Variants in KATNIP observed in about 807,000 individuals in gnomAD.
KATNIP encodes the protein katanin-interacting protein.
KATNIP carries 126 observed loss-of-function variants against 174.0 expected under a neutral mutation model. The observed-to-expected ratio is 0.72, with a 90% CI of 0.63 to 0.84. The LOEUF (loss-of-function observed/expected upper bound fraction) is 0.84, where lower values mean the gene tolerates loss of function less well. KATNIP is among the 40% of genes least tolerant of loss of function. The pLI, the probability that KATNIP is intolerant of heterozygous loss-of-function variation, is 0.00. For missense variants in KATNIP, 1,958 were observed against 2,109.7 expected, an observed-to-expected ratio of 0.93 and a Z score of 1.41; for synonymous variants, 810 against 835.7, an observed-to-expected ratio of 0.97 and a Z score of 0.53.
rs1056645125 is a variant in KATNIP, at chr16:27,777,219, T to C, written c.4551+190T>C. The stretch of plus-strand genomic sequence containing the variant: ...CAGAACCTGCTGGCAGTGATTTCAG[T>C]GTCACCCTGAGCAAATAGAAAGTGG... On this transcript the variant is annotated intron_variant, in intron 25 of 27. Coordinates refer to ENST00000261588, the MANE Select transcript of KATNIP (RefSeq NM_015202.5). This position sits in a 1 kb window ranked among gnomAD's most constrained non-coding sequence, Gnocchi z 4.4. 9.9e-5 allele frequency among the ~76,000 whole-genome samples: 15 copies of C among 152,214 alleles called. No homozygotes were observed. The highest frequency in any genetic ancestry group is 3.4e-4 in the African/African-American group (14 of 41,460).
intron 8 of KATNIP, among the ~76,000 whole-genome samples, chr16:27,689,653 C>T (rs1293685313): frequency 6.6e-6 from 1 of 152,172 alleles, no homozygotes; most frequent in Non-Finnish European, 1.5e-5. Flanking sequence ...GAGAAGAACA[C>T]AGGCCTTAAC....
chr16:27,718,113 T>C (rs1354048617), intron 13 of KATNIP: 1 of 152,230 alleles, frequency 6.6e-6, no homozygotes, highest in Non-Finnish European at 1.5e-5. Context: ...CAGAATGAAT[T>C]AATGCATGAA....
intron 14 of KATNIP, among the ~76,000 whole-genome samples, chr16:27,736,626 G>A (rs1443112014): frequency 6.6e-6 from 1 of 152,172 alleles, no homozygotes; most frequent in Non-Finnish European, 1.5e-5. Flanking sequence ...AGGAATCGAG[G>A]CAAGCGCCAG....
intron 14 of KATNIP, among the ~76,000 whole-genome samples, chr16:27,733,608 CAG>C (rs1387478072): frequency 2.0e-5 from 3 of 148,670 alleles, no homozygotes; most frequent in Non-Finnish European, 4.5e-5. Flanking sequence ...CACACATATG[CAG>C]AGAGAGAGAC....
chr16:27,638,319 G>T (rs1035095726), intron 5 of KATNIP, among the ~76,000 whole-genome samples: 2 of 152,176 alleles, frequency 1.3e-5, no homozygotes, highest in Admixed American at 6.5e-5. Flanking sequence ...GACTGGGGGT[G>T]CCAGCTATAC....
At chr16:27,646,507 G>A (rs1255995928) in intron 5 of KATNIP, among the ~76,000 whole-genome samples, 1 of 152,208 alleles carries the variant, frequency 6.6e-6, no homozygotes, top group Non-Finnish European at 1.5e-5. Flanking sequence ...AGAGTTGGGA[G>A]GAAATTGGGC....
intron 2 of KATNIP, among the ~76,000 whole-genome samples, chr16:27,585,471 C>A (rs1405037780): frequency 1.3e-5 from 2 of 152,160 alleles, no homozygotes; most frequent in Non-Finnish European, 2.9e-5. Flanking sequence ...TTTTTCCACT[C>A]CCATGTTTCT....
intron 14 of KATNIP, among the ~76,000 whole-genome samples, chr16:27,736,965 A>C (rs1009251866): frequency 6.7e-6 from 1 of 150,082 alleles, no homozygotes; most frequent in African/African-American, 2.5e-5. Context: ...CACATACTGG[A>C]TATGAGTGAG....
rs377371390 is a variant in KATNIP at position 27,778,594 on chromosome 16, A to C, written c.4822A>C (p.Ile1608Leu). Residue 1608 changes from isoleucine to leucine, a missense_variant, in exon 28 of 28, where the codon ATC (isoleucine) becomes CTC (leucine). This residue lies in a region of KATNIP where 383 missense variants were observed against 456.0 expected (regional missense o/e 0.84). Coordinates refer to ENST00000261588, the MANE Select transcript of KATNIP (RefSeq NM_015202.5). ...VDPALRPKTC[I>L]SEKETRRRRC The stretch of plus-strand genomic sequence containing the variant: ...GACAGCCTTACGTCCCAAAACCTGC[A>C]TCAGCGAGAAGGAGACGAGACGACG... 1 of 1,613,830 alleles carries C rather than the reference A, an allele frequency of 6.2e-7. No individual in the cohort carries two copies. The highest frequency in any genetic ancestry group is 1.7e-5 in the Admixed American group (1 of 60,004).
chr16:27,752,773 T>G (rs1386543554), intron 17 of KATNIP, among the ~76,000 whole-genome samples: 1 of 152,104 alleles, frequency 6.6e-6, no homozygotes, highest in Non-Finnish European at 1.5e-5. Context: ...AGGTTGGTCA[T>G]GAACTCCTGG....
chr16:27,679,907 C>T (rs1263623969), intron 7 of KATNIP, among the ~76,000 whole-genome samples: 1 of 152,146 alleles, frequency 6.6e-6, no homozygotes, highest in Non-Finnish European at 1.5e-5. Flanking sequence ...GTTCCCTCTG[C>T]CCAGATGACC....
chr16:27,668,778 G>A (rs1197055554), intron 6 of KATNIP, among the ~76,000 whole-genome samples: 1 of 152,214 alleles, frequency 6.6e-6, no homozygotes, highest in Non-Finnish European at 1.5e-5. Context: ...GTCTGAGGCA[G>A]GAGGATTGCT....
intron 1 of KATNIP, among the ~76,000 whole-genome samples, chr16:27,556,518 G>A (rs773855918): frequency 1.5e-4 from 23 of 152,292 alleles, no homozygotes; most frequent in Admixed American, 9.8e-4. Context: ...GCTTTTCACT[G>A]CTCCCCTAGA....
intron 2 of KATNIP, among the ~76,000 whole-genome samples, chr16:27,611,004 T>C (rs2075873770): frequency 6.6e-6 from 1 of 152,184 alleles, no homozygotes; most frequent in African/African-American, 2.4e-5. Flanking sequence ...TCATCTTACA[T>C]ATGTTGATTG....
At chr16:27,632,492 A>G (rs1297353959) in intron 5 of KATNIP, 2 of 410,356 alleles carry the variant, frequency 4.9e-6, no homozygotes, top group East Asian at 1.5e-4. Flanking sequence ...AAATGGCGGC[A>G]TTAGCAGGAT....
intron 2 of KATNIP, 61 bp from the exon 3 acceptor site, chr16:27,618,364 G>C: frequency 1.2e-5 from 16 of 1,311,778 alleles, no homozygotes; most frequent in Non-Finnish European, 1.8e-5. Flanking sequence ...TGCTGCACCT[G>C]CACTCTCAGT....
At chr16:27,616,652 G>C (rs908827516) in intron 2 of KATNIP, among the ~76,000 whole-genome samples, 1 of 151,690 alleles carries the variant, frequency 6.6e-6, no homozygotes, top group African/African-American at 2.4e-5. Context: ...GCTTGAACCT[G>C]GGAGATGGAG....
intron 1 of KATNIP, among the ~76,000 whole-genome samples, chr16:27,568,101 T>C (rs559547137): frequency 6.6e-6 from 1 of 152,352 alleles, no homozygotes; most frequent in African/African-American, 2.4e-5. Flanking sequence ...TTTCCCTTTT[T>C]CTTAGAGAAA....
At chr16:27,555,808 C>T (rs1293905832) in intron 1 of KATNIP, among the ~76,000 whole-genome samples, 2 of 148,640 alleles carry the variant, frequency 1.3e-5, no homozygotes, top group Non-Finnish European at 3.0e-5. Context: ...TGCACTCCAG[C>T]CTGGGCAACA....
Sources: allele counts gnomAD v4.1 joint callset (sites outside exome capture counted in the v4.1 genomes callset), GRCh38; gene constraint gnomAD v4.1.1; regional missense constraint gnomAD v4.1.1; non-coding constraint Gnocchi (gnomAD v3.1); transcripts MANE v1.5; gene names NCBI Gene and HGNC (gene_info 2026-07-23, HGNC 2026-07-21).